Variants in LRRC37B observed in about 807,000 individuals in gnomAD.
The protein encoded by LRRC37B is leucine-rich repeat-containing protein 37B.
A neutral mutation model predicts 98.3 loss-of-function variants in LRRC37B; 28 were observed. The observed-to-expected ratio is 0.28, with a 90% CI of 0.21 to 0.39. The LOEUF (loss-of-function observed/expected upper bound fraction) is 0.39, where lower values mean the gene tolerates loss of function less well. LRRC37B is among the 10% of genes least tolerant of loss of function. LRRC37B has a pLI of 1.00. For synonymous variants in LRRC37B, 364 were observed against 442.7 expected (o/e 0.82, Z 2.23); for missense variants, 938 against 1,182.7 (o/e 0.79, Z 3.03).
intron 2 of LRRC37B, 73 bp from the exon 6 acceptor site, chr17:32,027,696 G>T: frequency 7.8e-7 from 1 of 1,273,996 alleles, no homozygotes; most frequent in Non-Finnish European, 1.1e-6. Flanking sequence ...TCCTCCACAT[G>T]CAGGAGATAG....
intron 1 of LRRC37B, among the ~76,000 whole-genome samples, chr17:32,013,473 T>TG (rs1297110001): frequency 6.6e-6 from 1 of 152,188 alleles, no homozygotes. Context: ...ATCTCTTTTT[T>TG]GGGGGGTTTC....
chr17:32,046,495 C>T (rs1911583815), intron 8 of LRRC37B, among the ~76,000 whole-genome samples: 1 of 152,034 alleles, frequency 6.6e-6, no homozygotes, highest in Non-Finnish European at 1.5e-5. Flanking sequence ...AATGTGACTG[C>T]TTGAATACAG....
chr17:32,025,040 T>TTG (rs1159882693), intron 2 of LRRC37B, among the ~76,000 whole-genome samples: 2 of 124,772 alleles, frequency 1.6e-5, no homozygotes, highest in African/African-American at 5.6e-5. Context: ...GTTTTTTTTT[T>TTG]TTTTTTTTTT....
intron 3 of LRRC37B, among the ~76,000 whole-genome samples, chr17:32,030,278 A>G (rs1911075990): frequency 6.6e-6 from 1 of 152,122 alleles, no homozygotes; most frequent in South Asian, 2.1e-4. Flanking sequence ...TAGGAAAACA[A>G]AGCTAAACTA....
intron 9 of LRRC37B, 68 bp from the exon 13 acceptor site, chr17:32,049,034 C>T: frequency 6.2e-7 from 1 of 1,609,470 alleles, no homozygotes; most frequent in Non-Finnish European, 8.5e-7. Flanking sequence ...AATGGGAATA[C>T]AACAATGTGG....
chr17:32,022,894 T>A (rs772668235), intron 1 of LRRC37B, 69 bp downstream of exon 4: 2 of 1,486,068 alleles, frequency 1.3e-6, no homozygotes, highest in Non-Finnish European at 1.9e-6. Context: ...CTGGAGGCCT[T>A]CCTGGGCCTT....
At chr17:32,032,696 T>C (rs1226090201) in intron 5 of LRRC37B, among the ~76,000 whole-genome samples, 1 of 152,224 alleles carries the variant, frequency 6.6e-6, no homozygotes, top group African/African-American at 2.4e-5. Context: ...CTGTCTTCAT[T>C]AATTTGCTGA....
intron 9 of LRRC37B, among the ~76,000 whole-genome samples, chr17:32,048,443 A>G (rs910204599): frequency 2.0e-4 from 30 of 150,032 alleles, no homozygotes; most frequent in Non-Finnish European, 3.8e-4. Flanking sequence ...CCAAGAGCAT[A>G]AGGCAGCAGT....
chr17:32,041,909 C>G, intron 7 of LRRC37B: 1 of 444,946 alleles, frequency 2.2e-6, no homozygotes, highest in Non-Finnish European at 4.5e-6. Context: ...GGGCCCAGCC[C>G]ACAGCCTACC....
At chr17:32,049,302 T>C (rs1391145162) in exon 10 of LRRC37B, 1 of 1,613,688 alleles carries the variant, frequency 6.2e-7, no homozygotes, top group Non-Finnish European at 8.5e-7. Flanking sequence ...AGCAAAGGCA[T>C]TGAATGTAGA....
exon 1 of LRRC37B, chr17:32,021,741 C>A (rs1272057715): frequency 1.2e-6 from 2 of 1,614,102 alleles, no homozygotes; most frequent in Non-Finnish European, 1.7e-6. Flanking sequence ...TCTAGCTGAA[C>A]GTTGGAGCCT....
exon 1 of LRRC37B, chr17:32,022,799 C>T (rs139457390): frequency 1.2e-5 from 20 of 1,613,822 alleles, no homozygotes; most frequent in African/African-American, 4.0e-5. Context: ...CAGAGCCCGA[C>T]ACCTACAATG....
chr17:32,025,987 T>C (rs962927452), intron 2 of LRRC37B, among the ~76,000 whole-genome samples: 2 of 152,228 alleles, frequency 1.3e-5, no homozygotes, highest in Admixed American at 1.3e-4. Context: ...TTTAATTAAA[T>C]ATCTTTATAT....
chr17:32,012,283 TTCTG>T (rs1478882193), intron 1 of LRRC37B, among the ~76,000 whole-genome samples: 11 of 152,242 alleles, frequency 7.2e-5, no homozygotes, highest in Non-Finnish European at 1.3e-4. Context: ...CTCCTTGAAA[TTCTG>T]TCTGTTTATG....
At chr17:32,049,433 T>C in intron 10 of LRRC37B, 39 bp downstream of exon 13, 1 of 1,580,862 alleles carries the variant, frequency 6.3e-7, no homozygotes, top group South Asian at 1.2e-5. Context: ...AGATTTCCCA[T>C]CATTTAGCGT....
chr17:32,042,869 T>C (rs1046239491), intron 7 of LRRC37B: 8 of 151,480 alleles, frequency 5.3e-5, no homozygotes, highest in Non-Finnish European at 7.4e-5. Context: ...CAAAATGCAA[T>C]GTCTGATGTT....
chr17:32,007,750 T>A, upstream of LRRC37B: 2 of 1,193,608 alleles, frequency 1.7e-6, no homozygotes, highest in South Asian at 8.3e-5. This position sits in a 1 kb window ranked among gnomAD's most constrained non-coding sequence, Gnocchi z 4.1. Flanking sequence ...CCGGGGCAGG[T>A]GGGCAGCCGC....
At chr17:32,036,259 C>G (rs904799059) in intron 7 of LRRC37B, 8 of 152,410 alleles carry the variant, frequency 5.2e-5, no homozygotes, top group African/African-American at 1.9e-4. Context: ...CTTCGGCCTC[C>G]CAAAGTGCTA....
chr17:32,019,344 G>A (rs1201315263), upstream of LRRC37B, among the ~76,000 whole-genome samples: 1 of 152,138 alleles, frequency 6.6e-6, no homozygotes. Context: ...TACAGTACAG[G>A]TTTGTAGCCT....
Sources: gnomAD v4.1 joint callset for allele counts (sites outside exome capture counted in the v4.1 genomes callset) on GRCh38, gnomAD v4.1.1 for gene constraint, Gnocchi (gnomAD v3.1) non-coding constraint, MANE v1.5 for transcripts, NCBI Gene and HGNC (gene_info 2026-07-23, HGNC 2026-07-21) for gene names.